The following CYBRD1 variants were observed in gnomAD, a reference collection of about 807,000 sequenced individuals.
CYBRD1 encodes the protein cytochrome b reductase 1, also known as plasma membrane ascorbate-dependent reductase CYBRD1.
A neutral mutation model predicts 21.9 loss-of-function variants in CYBRD1; 14 were observed. The observed-to-expected ratio is 0.64, with a 90% confidence interval of 0.42 to 1.00. The LOEUF is 1.00. Ranked by LOEUF, CYBRD1 falls within the 50% of genes least tolerant of loss-of-function variation. The pLI is 0.00. For synonymous variants in CYBRD1, 146 were observed against 136.5 expected, an observed-to-expected ratio of 1.07 and a Z score of -0.48; for missense variants, 328 against 352.5, an observed-to-expected ratio of 0.93 and a Z score of 0.56.
In CYBRD1 at chr2:171,554,543, A is replaced by G; in HGVS notation, c.577A>G (p.Thr193Ala). Reference protein sequence around the residue: ...IFSLRDPAYSTFPPEGVFVNT... With the variant: ...IFSLRDPAYSAFPPEGVFVNT... ...TCATAGGAGAGATCCTGCATACAGT[A>G]CATTCCCGCCAGAAGGTGTTTTCGT... Residue 193 changes from threonine to alanine, a missense_variant, in exon 4 of 4, where the codon ACA (threonine) becomes GCA (alanine). Transcript: ENST00000321348. 3.1e-6 allele frequency: 5 copies of G among 1,614,014 alleles called. No homozygotes were observed. In the South Asian group the frequency reaches 5.5e-5, roughly 18 times the overall value.
chr2:171,553,894 A>T (rs1432887267), intron 3 of CYBRD1, among the ~76,000 whole-genome samples: 2 of 152,232 alleles, frequency 1.3e-5, no homozygotes, highest in Non-Finnish European at 1.5e-5. Flanking sequence ...CAAAACACAC[A>T]AACAAAGCAA....
intron 1 of CYBRD1, among the ~76,000 whole-genome samples, chr2:171,524,967 T>G (rs982563073): frequency 6.6e-6 from 1 of 152,366 alleles, no homozygotes; most frequent in Non-Finnish European, 1.5e-5. Flanking sequence ...AGACGTAGTC[T>G]TGCTCTGTCG....
rs1032419542 is a variant in CYBRD1, at chr2:171,556,944, T to A, written c.*2117T>A. On this transcript the variant is annotated 3_prime_UTR_variant, in exon 4 of 4. Transcript: ENST00000321348. Reference sequence around the variant, plus strand: ...AAGCCGCCAGAATTGAGGTGGCCATTCCTTTTTGTATAGGCTAAGAAACAG... The same window carrying A: ...AAGCCGCCAGAATTGAGGTGGCCATACCTTTTTGTATAGGCTAAGAAACAG... 1 of 152,582 alleles carries A rather than the reference T, an allele frequency of 6.6e-6. No homozygotes were observed. Among genetic ancestry groups the A allele is most frequent in the Non-Finnish European group, 1.5e-5 (1 of 68,038 alleles). The allele number at this position is 152,582 out of a possible 1,614,324, so 9.5% of individuals were successfully genotyped here. A position where few individuals can be genotyped will look rare whatever the true frequency, so the allele number is the denominator to read the frequency against.
intron 1 of CYBRD1, 102 bp from the exon 2 acceptor site, chr2:171,541,483 A>T: frequency 8.6e-7 from 1 of 1,163,664 alleles, no homozygotes. Flanking sequence ...AGCCAAGGGA[A>T]AAAGGTTTCA....
intron 3 of CYBRD1, 31 bp from the exon 4 acceptor site, chr2:171,554,493 T>C: frequency 6.2e-7 from 1 of 1,610,742 alleles, no homozygotes; most frequent in South Asian, 1.1e-5. Flanking sequence ...TATCATCCTG[T>C]TTGTAATTGG....
intron 1 of CYBRD1, among the ~76,000 whole-genome samples, chr2:171,534,460 G>T (rs1337574847): frequency 6.6e-6 from 1 of 152,172 alleles, no homozygotes; most frequent in Non-Finnish European, 1.5e-5. Context: ...ATATGGCTTG[G>T]TTTGTTAAGA....
At chr2:171,542,155 C>T (rs112524039) in intron 2 of CYBRD1, among the ~76,000 whole-genome samples, 62 of 152,150 alleles carry the variant, frequency 4.1e-4, no homozygotes, top group South Asian at 1.5e-3. Flanking sequence ...TGAGCCACCG[C>T]GCCCAGTGAC....
intron 1 of CYBRD1, among the ~76,000 whole-genome samples, chr2:171,535,008 T>C (rs1420089237): frequency 6.6e-6 from 1 of 152,060 alleles, no homozygotes; most frequent in African/African-American, 2.4e-5. Context: ...GCCACTACAC[T>C]CCAGCCTGGG....
chr2:171,544,360 A>T (rs985415057), intron 2 of CYBRD1, among the ~76,000 whole-genome samples: 14 of 152,128 alleles, frequency 9.2e-5, no homozygotes, highest in African/African-American at 3.4e-4. Flanking sequence ...AATGTAACCA[A>T]ATTAATCATC....
chr2:171,542,615 A>G (rs1697651555), intron 2 of CYBRD1, among the ~76,000 whole-genome samples: 1 of 152,210 alleles, frequency 6.6e-6, no homozygotes, highest in South Asian at 2.1e-4. Flanking sequence ...TGCACTGCTC[A>G]CTCCTGTGAT....
intron 2 of CYBRD1, among the ~76,000 whole-genome samples, chr2:171,550,465 G>A (rs910738324): frequency 1.3e-5 from 2 of 151,774 alleles, no homozygotes; most frequent in Non-Finnish European, 2.9e-5. Flanking sequence ...TATAATTTTC[G>A]GTCCACTAGG....
At chr2:171,543,118 G>A (rs1408248388) in intron 2 of CYBRD1, among the ~76,000 whole-genome samples, 1 of 151,972 alleles carries the variant, frequency 6.6e-6, no homozygotes, top group African/African-American at 2.4e-5. Flanking sequence ...CAGACTTAAT[G>A]GCCTGAAACA....
At chr2:171,552,723 C>T (rs181435685) in intron 2 of CYBRD1, among the ~76,000 whole-genome samples, 1 of 152,178 alleles carries the variant, frequency 6.6e-6, no homozygotes. Context: ...AAAGAGGTAT[C>T]CCACTAGCGA....
intron 1 of CYBRD1, among the ~76,000 whole-genome samples, chr2:171,537,526 T>C (rs1441973003): frequency 6.6e-6 from 1 of 152,024 alleles, no homozygotes; most frequent in East Asian, 1.9e-4. Flanking sequence ...AGTAACCTAG[T>C]GAAATCTGAA....
At chr2:171,543,434 C>T (rs1697665788) in intron 2 of CYBRD1, among the ~76,000 whole-genome samples, 2 of 152,168 alleles carry the variant, frequency 1.3e-5, no homozygotes, top group Non-Finnish European at 2.9e-5. Flanking sequence ...ACATCCAGTC[C>T]ATCTCGCTGG....
chr2:171,524,232 C>G (rs1465166984), intron 1 of CYBRD1, among the ~76,000 whole-genome samples: 1 of 152,084 alleles, frequency 6.6e-6, no homozygotes, highest in Non-Finnish European at 1.5e-5. Context: ...CACCACTGGG[C>G]ACCTAAGGCA....
chr2:171,541,804 C>T lies in CYBRD1; in HGVS notation c.402+11C>T, dbSNP rs1450995892. 1.3e-6 allele frequency: 2 copies of T among 1,596,182 alleles called. No individual in the cohort carries two copies. The highest frequency in any genetic ancestry group is 1.7e-6 in the Non-Finnish European group (2 of 1,166,168). ...TGCTATTTGTTACAGGTCAGTATTT[C>T]AGTGTATTTACAAGCAAGTTATAAA... On this transcript the variant is annotated intron_variant, in intron 2 of 3. Transcript: ENST00000321348.
At chr2:171,547,336 C>A (rs1372751745) in intron 2 of CYBRD1, among the ~76,000 whole-genome samples, 2 of 151,754 alleles carry the variant, frequency 1.3e-5, no homozygotes, top group Non-Finnish European at 2.9e-5. Context: ...GGTGAGGAAA[C>A]AGAGTGGTAA....
intron 1 of CYBRD1, among the ~76,000 whole-genome samples, chr2:171,532,597 G>A (rs1254713522): frequency 6.6e-6 from 1 of 151,382 alleles, no homozygotes; most frequent in Non-Finnish European, 1.5e-5. Context: ...CCCAGGAGCT[G>A]GAGACCAGCC....
Sources: allele counts gnomAD v4.1 joint callset (sites outside exome capture counted in the v4.1 genomes callset), GRCh38; gene constraint gnomAD v4.1.1; transcripts MANE v1.5; gene names NCBI Gene and HGNC (gene_info 2026-07-23, HGNC 2026-07-21).